The following TDRD9 variants were observed in gnomAD, a reference collection of about 807,000 sequenced individuals.
TDRD9 encodes the protein tudor domain containing 9.
Under a neutral mutation model 172.6 loss-of-function variants are expected in TDRD9, and 124 were observed. The ratio of observed to expected loss-of-function variants is 0.72; its 90% confidence interval spans 0.62 to 0.83. The LOEUF (loss-of-function observed/expected upper bound fraction) is 0.83. TDRD9 is among the 40% of genes least tolerant of loss of function. The pLI, the probability that TDRD9 is intolerant of heterozygous loss-of-function variation, is 0.00. For synonymous variants in TDRD9, 619 were observed against 617.1 expected, an observed-to-expected ratio of 1.00 and a Z score of -0.05; for missense variants, 1,479 against 1,714.1, an observed-to-expected ratio of 0.86 and a Z score of 2.42.
intron 1 of TDRD9, chr14:103,941,187 T>G: frequency 8.9e-7 from 1 of 1,126,698 alleles, no homozygotes; most frequent in Non-Finnish European, 1.2e-6. Flanking sequence ...TTGAATAATG[T>G]ATACAAGTTA....
chr14:103,931,017 G>T (rs2030354119), intron 1 of TDRD9, among the ~76,000 whole-genome samples: 1 of 152,128 alleles, frequency 6.6e-6, no homozygotes, highest in South Asian at 2.1e-4. Context: ...ATTCAATCTG[G>T]GTGTGGTGGC....
intron 1 of TDRD9, among the ~76,000 whole-genome samples, chr14:103,938,248 A>G (rs1045945501): frequency 4.0e-5 from 6 of 151,534 alleles, no homozygotes; most frequent in African/African-American, 1.5e-4. Flanking sequence ...GATTGTGCAG[A>G]ATGCTTTTAT....
At chr14:104,049,461 A>G (rs2035879031) in intron 34 of TDRD9, 147 bp from the exon 35 acceptor site, 1 of 587,928 alleles carries the variant, frequency 1.7e-6, no homozygotes, top group Non-Finnish European at 2.9e-6. Flanking sequence ...TTTTCTGATC[A>G]TAACTGCATA....
At chr14:104,025,883 G>T in intron 26 of TDRD9, 107 bp downstream of exon 26, 1 of 1,081,710 alleles carries the variant, frequency 9.2e-7, no homozygotes, top group South Asian at 1.5e-5. Context: ...AATAATTGCA[G>T]TTAGCAAAGT....
chr14:103,979,471 G>GA (rs2033385301), intron 7 of TDRD9, among the ~76,000 whole-genome samples: 1 of 152,186 alleles, frequency 6.6e-6, no homozygotes, highest in African/African-American at 2.4e-5. Context: ...AGATCACATG[G>GA]TGAGACTGGA....
intron 20 of TDRD9, among the ~76,000 whole-genome samples, chr14:104,009,958 T>C (rs1031196608): frequency 7.9e-5 from 12 of 151,046 alleles, no homozygotes; most frequent in Admixed American, 7.2e-4. Context: ...TTTTTTTTTT[T>C]TTTTTGAGAT....
At chr14:103,936,615 C>A (rs1179575641) in intron 1 of TDRD9, among the ~76,000 whole-genome samples, 1 of 152,128 alleles carries the variant, frequency 6.6e-6, no homozygotes, top group Non-Finnish European at 1.5e-5. Context: ...TAAAATATTT[C>A]CAGAATATGG....
intron 23 of TDRD9, among the ~76,000 whole-genome samples, chr14:104,019,878 A>T (rs1448743510): frequency 6.6e-6 from 1 of 152,246 alleles, no homozygotes; most frequent in African/African-American, 2.4e-5. Flanking sequence ...TCTGAGGCCC[A>T]ATATTAGAGC....
In TDRD9 at chr14:104,024,655, T is replaced by A. The variant is rs142824014; in HGVS notation, c.2693T>A (p.Leu898His). ...GACAGGTCCCAGACAGTTACAGATC[T>A]CCTTCTAACTATTGATGTCACAGAG... ...TSDRSQTVTDLLLTIDVTEVV... is the reference protein window; with the variant it reads ...TSDRSQTVTDHLLTIDVTEVV... Residue 898 changes from leucine to histidine, a missense_variant, in exon 25 of 36, where the codon CTC (leucine) becomes CAC (histidine). By Grantham distance (99) the Leu-to-His change is moderately conservative. Coordinates refer to ENST00000409874, the MANE Select transcript of TDRD9 (RefSeq NM_153046.3). The A allele has an allele frequency of 9.0e-5, 145 of 1,607,396 alleles. No homozygotes were observed. Among genetic ancestry groups the A allele is most frequent in the Non-Finnish European group, 9.7e-5 (114 of 1,174,498 alleles).
intron 9 of TDRD9, 86 bp downstream of exon 9, chr14:103,991,310 G>T (rs1005647446): frequency 5.8e-6 from 8 of 1,379,776 alleles, no homozygotes; most frequent in South Asian, 1.2e-5. Flanking sequence ...ATGAAAGATG[G>T]TATTCTCCAT....
rs539084280 is a variant in TDRD9 at position 104,034,330 on chromosome 14, A to G, written c.3619+261A>G. Among the ~76,000 whole-genome samples the G allele has an allele frequency of 3.9e-4, 59 of 151,848 alleles. 1 individual carries two copies. The highest frequency in any genetic ancestry group is 1.4e-3 in the African/African-American group (57 of 41,428). On this transcript the variant is annotated intron_variant, in intron 31 of 35. Coordinates refer to ENST00000409874, the MANE Select transcript of TDRD9 (RefSeq NM_153046.3). Reference sequence around the variant, plus strand: ...CTCAGCCTCCCGAGTAGCTGGGACTACAAGCACCTGCCACCATGCCTGGCT... The same window carrying G: ...CTCAGCCTCCCGAGTAGCTGGGACTGCAAGCACCTGCCACCATGCCTGGCT...
intron 34 of TDRD9, 81 bp downstream of exon 34, chr14:104,042,268 G>T (rs1031157997): frequency 2.1e-6 from 2 of 945,520 alleles, no homozygotes; most frequent in Non-Finnish European, 3.4e-6. Context: ...TTTGAATTGT[G>T]TAGGCAATGT....
chr14:104,014,491 G>C (rs2152230082), intron 20 of TDRD9, among the ~76,000 whole-genome samples: 1 of 152,020 alleles, frequency 6.6e-6, no homozygotes, highest in South Asian at 2.1e-4. Flanking sequence ...ATGTTGCCCG[G>C]GCTGGTTTCA....
intron 1 of TDRD9, chr14:103,939,740 A>G (rs2031073604): frequency 1.9e-4 from 2 of 10,684 alleles, no homozygotes; most frequent in Non-Finnish European, 3.0e-4. Context: ...TTTGAAAAAA[A>G]GTGTTTTTTT....
intron 34 of TDRD9, among the ~76,000 whole-genome samples, chr14:104,044,006 C>T (rs2035688261): frequency 6.6e-6 from 1 of 152,202 alleles, no homozygotes; most frequent in African/African-American, 2.4e-5. Flanking sequence ...CGGCTCTGCC[C>T]TGCTTAAGCC....
At chr14:103,985,868 C>G (rs974028895) in intron 7 of TDRD9, among the ~76,000 whole-genome samples, 1 of 152,182 alleles carries the variant, frequency 6.6e-6, no homozygotes, top group African/African-American at 2.4e-5. Flanking sequence ...GCTTTGAGAT[C>G]AGGAACTCCT....
chr14:103,984,742 G>A (rs1262563396), intron 7 of TDRD9, among the ~76,000 whole-genome samples: 2 of 152,168 alleles, frequency 1.3e-5, no homozygotes, highest in East Asian at 1.9e-4. Flanking sequence ...TGAGAAGAGG[G>A]CCATTGTCTT....
At position 103,938,434 on chromosome 14, in the gene TDRD9, A is replaced by ATTTTTTT. The variant is rs1167863822; in HGVS notation, c.215+9711_215+9712insTTTTTTT. On this transcript the variant is annotated intron_variant, in intron 1 of 35. Coordinates refer to ENST00000409874, the MANE Select transcript of TDRD9 (RefSeq NM_153046.3). Reference sequence around the variant, plus strand: ...TGTGTGTATATATATATATATATATATATATATTTTTTTTTTTTTTTTGAG... The same window carrying ATTTTTTT: ...TGTGTGTATATATATATATATATATATTTTTTTTATATATTTTTTTTTTTTTTTTGAG... 2.4e-3 allele frequency among the ~76,000 whole-genome samples: 83 copies of ATTTTTTT among 34,898 alleles called. 3 individuals are homozygous for ATTTTTTT. Among genetic ancestry groups the ATTTTTTT allele is most frequent in the Admixed American group, 3.2e-3 (6 of 1,894 alleles). 22.9% of individuals were successfully genotyped at this position (34,898 alleles called of 152,430 possible).
intron 6 of TDRD9, among the ~76,000 whole-genome samples, chr14:103,973,992 G>A (rs554104870): frequency 6.6e-6 from 1 of 152,306 alleles, no homozygotes; most frequent in South Asian, 2.1e-4. Flanking sequence ...GAGCTCACAA[G>A]TGTGAGACTG....
Sources: allele counts gnomAD v4.1 joint callset (sites outside exome capture counted in the v4.1 genomes callset), GRCh38; gene constraint gnomAD v4.1.1; transcripts MANE v1.5; gene names NCBI Gene and HGNC (gene_info 2026-07-23, HGNC 2026-07-21).